UBE2B: variants seen among roughly 807,000 people sequenced by gnomAD.
The protein encoded by UBE2B is ubiquitin conjugating enzyme E2 B.
A neutral mutation model predicts 24.6 loss-of-function variants in UBE2B; 11 were observed. That is an observed-to-expected ratio of 0.45 (90% CI 0.28 to 0.74). The LOEUF is 0.74. Among genes scored for constraint, UBE2B ranks in the 30% least tolerant of loss-of-function variants. The probability of loss-of-function intolerance (pLI) is 0.13; values close to 1 mark genes in which losing one functional copy is unlikely to be tolerated. For synonymous variants in UBE2B, 68 were observed against 62.4 expected (o/e 1.09, Z -0.42); for missense variants, 78 against 185.6 (o/e 0.42, Z 3.37).
chr5:134,372,245 G>A (rs181020668), intron 1 of UBE2B, among the ~76,000 whole-genome samples: 17 of 152,306 alleles, frequency 1.1e-4, no homozygotes, highest in Non-Finnish European at 2.1e-4. Context: ...TGGGACCTTA[G>A]AGCTGGCCAC....
At chr5:134,372,475 A>T (rs1363045920) in intron 1 of UBE2B, among the ~76,000 whole-genome samples, 1 of 152,210 alleles carries the variant, frequency 6.6e-6, no homozygotes, top group Non-Finnish European at 1.5e-5. Context: ...ATACTTAGAG[A>T]CATAGAAAAA....
chr5:134,376,348 A>AAATATATATATAT (rs1554114145), intron 2 of UBE2B, among the ~76,000 whole-genome samples: 1 of 4,776 alleles, frequency 2.1e-4, no homozygotes, highest in African/African-American at 4.4e-4. Flanking sequence ...AAAAAAAAAA[A>AAATATATATATAT]ATATATATAT....
At chr5:134,372,616 C>A (rs1265047989) in intron 1 of UBE2B, among the ~76,000 whole-genome samples, 1 of 152,158 alleles carries the variant, frequency 6.6e-6, no homozygotes, top group East Asian at 1.9e-4. Context: ...CACCTCTCAG[C>A]TATTATAAAG....
Position 134,390,343 on chromosome 5 carries a change from A to G in UBE2B, c.449A>G (p.Asn150Ser), listed in dbSNP as rs370961649. ...RVSAIVEQSW[N>S]DS ...TCGGCCATTGTTGAACAAAGCTGGAATGATTCATAATAGACAACTGGTCTG... is the reference window on the plus strand; with the variant it reads ...TCGGCCATTGTTGAACAAAGCTGGAGTGATTCATAATAGACAACTGGTCTG... Residue 150 changes from asparagine to serine, a missense_variant, in exon 6 of 6, where the codon AAT becomes AGT. By Grantham distance (46) the Asn-to-Ser change is conservative. Transcript: ENST00000265339. The surrounding 1 kb of genome is among the most constrained non-coding windows in gnomAD (Gnocchi z 4.6). 43 of 1,614,008 alleles carry G rather than the reference A, an allele frequency of 2.7e-5. No individual in the cohort carries two copies. The highest frequency in any genetic ancestry group is 3.6e-5 in the Non-Finnish European group (42 of 1,179,994).
At chr5:134,388,260 T>C in intron 4 of UBE2B, 65 bp from the exon 5 acceptor site, 1 of 1,366,648 alleles carries the variant, frequency 7.3e-7, no homozygotes, top group Non-Finnish European at 1.0e-6. Context: ...TTCTGTTTGG[T>C]AAAGATTTCT....
At chr5:134,377,024 TTTG>T (rs1250464938) in intron 3 of UBE2B, among the ~76,000 whole-genome samples, 6 of 152,218 alleles carry the variant, frequency 3.9e-5, no homozygotes, top group Admixed American at 3.3e-4. Flanking sequence ...GCTTTTTTAC[TTTG>T]TTATCTTTGA....
intron 2 of UBE2B, among the ~76,000 whole-genome samples, chr5:134,375,826 A>C (rs968247909): frequency 3.5e-5 from 5 of 144,216 alleles, no homozygotes; most frequent in African/African-American, 1.0e-4. Flanking sequence ...AAAAAAAAAA[A>C]CTTTATGCTG....
chr5:134,385,221 A>C (rs1758780430), intron 4 of UBE2B, among the ~76,000 whole-genome samples: 1 of 152,164 alleles, frequency 6.6e-6, no homozygotes, highest in Non-Finnish European at 1.5e-5. Flanking sequence ...GCTAAGTTTG[A>C]TGTTTCTGTG....
In UBE2B at chr5:134,376,659, T is replaced by C; in HGVS notation, c.126-10T>C. 6.2e-7 allele frequency: 1 copy of C among 1,611,862 alleles called. No individual in the cohort carries two copies. The highest frequency in any genetic ancestry group is 8.5e-7 in the Non-Finnish European group (1 of 1,179,222). On this transcript the variant is annotated splice_polypyrimidine_tract_variant and intron_variant, in intron 2 of 5. Transcript: ENST00000265339. ...AAACTTCTTTTAATCAGAAATCTTC[T>C]TGTTTTCAGACCAGAAGGGACACCT...
At chr5:134,389,474 G>A (rs979982271) in intron 5 of UBE2B, among the ~76,000 whole-genome samples, 1 of 152,032 alleles carries the variant, frequency 6.6e-6, no homozygotes, top group Non-Finnish European at 1.5e-5. Flanking sequence ...TTGGTTTAAT[G>A]AGAACGTCTC....
At chr5:134,374,636 G>A in intron 2 of UBE2B, 173 bp downstream of exon 2, 2 of 714,834 alleles carry the variant, frequency 2.8e-6, no homozygotes, top group East Asian at 3.0e-5. Flanking sequence ...GCCCAGCACA[G>A]TAGTAGCTCA....
At chr5:134,382,522 C>T (rs1051296558) in intron 4 of UBE2B, among the ~76,000 whole-genome samples, 3 of 152,088 alleles carry the variant, frequency 2.0e-5, no homozygotes, top group Admixed American at 2.0e-4. Flanking sequence ...CCTATTAATT[C>T]CAGCACTTTG....
At chr5:134,377,725 G>T (rs1000349605) in intron 3 of UBE2B, among the ~76,000 whole-genome samples, 1 of 152,046 alleles carries the variant, frequency 6.6e-6, no homozygotes, top group African/African-American at 2.4e-5. Flanking sequence ...AGACCCTCTC[G>T]GGGGACCCAT....
At chr5:134,388,946 GTTTTTTTTTTT>G (rs35847901) in intron 5 of UBE2B, 40 of 172,254 alleles carry the variant, frequency 2.3e-4, no homozygotes, top group Middle Eastern at 2.3e-3. Context: ...TTCTTTAATT[GTTTTTTTTTTT>G]TTTTTTTTTT....
In UBE2B at chr5:134,374,692, G is replaced by A. The variant is rs1048057098; in HGVS notation, c.125+229G>A. ...AGCCCAGGAGTTCACCAGCCTGGGC[G>A]ATATAGTGAGACAGTGAGACTCTGT... On this transcript the variant is annotated intron_variant, in intron 2 of 5. Transcript: ENST00000265339. 1.2e-4 allele frequency: 62 copies of A among 498,754 alleles called. 1 individual carries two copies. The highest frequency in any genetic ancestry group is 3.2e-4 in the Admixed American group (10 of 30,838). The allele number at this position is 498,754 out of a possible 1,614,324, so 30.9% of individuals were successfully genotyped here.
intron 1 of UBE2B, among the ~76,000 whole-genome samples, chr5:134,373,000 C>T (rs1314815948): frequency 1.3e-5 from 2 of 152,140 alleles, no homozygotes; most frequent in African/African-American, 4.8e-5. Context: ...CGCCCTGGCT[C>T]CTTACTGTAA....
chr5:134,377,411 A>T (rs895841154), intron 3 of UBE2B, among the ~76,000 whole-genome samples: 1 of 152,216 alleles, frequency 6.6e-6, no homozygotes, highest in Non-Finnish European at 1.5e-5. Flanking sequence ...CAGTAGGAGA[A>T]ATGGTTAAGC....
Position 134,390,651 on chromosome 5 carries a change from G to C in UBE2B, c.*298G>C, listed in dbSNP as rs1387694957. The C allele has an allele frequency of 4.1e-6, 1 of 243,876 alleles. No individual in the cohort carries two copies. Among genetic ancestry groups the C allele is most frequent in the Non-Finnish European group, 8.1e-6 (1 of 123,554 alleles). 15.1% of individuals were successfully genotyped at this position (243,876 alleles called of 1,614,324 possible). On this transcript the variant is annotated 3_prime_UTR_variant, in exon 6 of 6. Coordinates refer to ENST00000265339, the MANE Select transcript of UBE2B (RefSeq NM_003337.4). This position sits in a 1 kb window ranked among gnomAD's most constrained non-coding sequence, Gnocchi z 4.6. ...CAGAATATACACATTTTGTAAATCTGTACTTTTTTCAAATATTGAATGCCT... is the reference window on the plus strand; with the variant it reads ...CAGAATATACACATTTTGTAAATCTCTACTTTTTTCAAATATTGAATGCCT...
chr5:134,392,024 T>C lies in UBE2B; in HGVS notation c.*1671T>C, dbSNP rs1412245454. The C allele has an allele frequency of 6.6e-6, 1 of 152,188 alleles. No individual in the cohort carries two copies. Among genetic ancestry groups the C allele is most frequent in the Non-Finnish European group, 1.5e-5 (1 of 68,022 alleles). The allele number at this position is 152,188 out of a possible 1,614,324, so 9.4% of individuals were successfully genotyped here. On this transcript the variant is annotated 3_prime_UTR_variant, in exon 6 of 6. Transcript: ENST00000265339. ...GGTAAGTGTATGATCTTAGGGAACT[T>C]TGATACAAATGGGAATTCACTCACT...
Sources: allele counts gnomAD v4.1 joint callset (sites outside exome capture counted in the v4.1 genomes callset), GRCh38; gene constraint gnomAD v4.1.1; non-coding constraint Gnocchi (gnomAD v3.1); transcripts MANE v1.5; gene names NCBI Gene and HGNC (gene_info 2026-07-23, HGNC 2026-07-21).